Variants in PDE10A observed in about 807,000 individuals in gnomAD.
PDE10A encodes cAMP and cAMP-inhibited cGMP 3',5'-cyclic phosphodiesterase 10A.
In PDE10A, 39 loss-of-function variants were observed where a neutral mutation model predicts 97.7. That is an observed-to-expected ratio of 0.40 (90% CI 0.31 to 0.52). PDE10A has a LOEUF of 0.52. Ranked by LOEUF, PDE10A falls within the 20% of genes least tolerant of loss-of-function variation. The pLI, the probability that PDE10A is intolerant of heterozygous loss-of-function variation, is 0.56. For synonymous variants in PDE10A, 371 were observed against 376.8 expected (o/e 0.98, Z 0.18); for missense variants, 731 against 1,047.8 (o/e 0.70, Z 4.17).
Position 165,792,944 on chromosome 6 carries a change from C to T in PDE10A, c.-615+194585G>A, listed in dbSNP as rs950473551. Among the ~76,000 whole-genome samples, 7 of 152,220 alleles carry T rather than the reference C, an allele frequency of 4.6e-5. No individual in the cohort carries two copies. The South Asian group carries it at 8.3e-4, about 18-fold the overall frequency. The stretch of plus-strand genomic sequence containing the variant: ...CTTTCCTGTCTGGTGGGGTCAAGGC[C>T]GGCAGGCACAGTGGTGCTGGGGTGG... On this transcript the variant is annotated intron_variant, in intron 1 of 19. Transcript: ENST00000366882.
intron 1 of PDE10A, among the ~76,000 whole-genome samples, chr6:165,554,725 C>G (rs904507476): frequency 6.6e-6 from 1 of 152,104 alleles, no homozygotes; most frequent in Non-Finnish European, 1.5e-5. Context: ...CTGTTTGTTG[C>G]AGCATTGTTT....
intron 1 of PDE10A, among the ~76,000 whole-genome samples, chr6:165,950,855 A>C (rs1783933087): frequency 6.6e-6 from 1 of 152,186 alleles, no homozygotes; most frequent in Admixed American, 6.5e-5. Context: ...GTCACGTGAA[A>C]AATTAATAAA....
At chr6:165,406,718 T>C (rs74561968) in intron 13 of PDE10A, among the ~76,000 whole-genome samples, 2,326 of 152,230 alleles carry the variant, frequency 0.015, 69 homozygotes, top group African/African-American at 0.052. Context: ...AGACTGGTAC[T>C]GGAATCAGTG....
chr6:165,884,540 C>G (rs1327206864), intron 1 of PDE10A, among the ~76,000 whole-genome samples: 2 of 152,192 alleles, frequency 1.3e-5, no homozygotes, highest in African/African-American at 4.8e-5. Flanking sequence ...CCACACCTGT[C>G]TCCCCCCTGA....
At chr6:165,445,552 A>G (rs1467445777) in intron 5 of PDE10A, among the ~76,000 whole-genome samples, 2 of 152,202 alleles carry the variant, frequency 1.3e-5, no homozygotes, top group Non-Finnish European at 2.9e-5. Flanking sequence ...CAGGCCAAAC[A>G]TTCATCTTGG....
chr6:165,921,105 TC>T (rs1221241078), intron 1 of PDE10A, among the ~76,000 whole-genome samples: 1 of 152,196 alleles, frequency 6.6e-6, no homozygotes, highest in African/African-American at 2.4e-5. Flanking sequence ...GACTTTCAGA[TC>T]TATGTACCAA....
At chr6:165,845,086 A>T (rs768621195) in intron 1 of PDE10A, among the ~76,000 whole-genome samples, 1 of 152,212 alleles carries the variant, frequency 6.6e-6, no homozygotes, top group Non-Finnish European at 1.5e-5. Flanking sequence ...TGCTGATTTA[A>T]AGCGTTCTTA....
intron 1 of PDE10A, among the ~76,000 whole-genome samples, chr6:165,875,347 T>C (rs1274945492): frequency 1.3e-5 from 2 of 152,216 alleles, no homozygotes; most frequent in Admixed American, 1.3e-4. Flanking sequence ...ACCTTGGTCA[T>C]ACTTGGTCAT....
At chr6:165,838,918 G>A (rs565718871) in intron 1 of PDE10A, among the ~76,000 whole-genome samples, 3 of 152,160 alleles carry the variant, frequency 2.0e-5, no homozygotes, top group African/African-American at 4.8e-5. Context: ...TTTCCAGGAC[G>A]TTCCATGATA....
chr6:165,958,601 G>GAAAGAAAGAAAGAGAGAAAGAA (rs1562327450), intron 1 of PDE10A, among the ~76,000 whole-genome samples: 1 of 34,558 alleles, frequency 2.9e-5, no homozygotes, highest in Non-Finnish European at 9.0e-5. Context: ...GAGAAAGAAA[G>GAAAGAAAGAAAGAGAGAAAGAA]AGAGAAAGGA....
chr6:165,888,093 T>C (rs1446316159), intron 1 of PDE10A, among the ~76,000 whole-genome samples: 1 of 152,146 alleles, frequency 6.6e-6, no homozygotes, highest in Non-Finnish European at 1.5e-5. Context: ...TGAGACCAGT[T>C]ATTTATATGG....
chr6:165,958,287 T>A (rs1010224447), intron 1 of PDE10A, among the ~76,000 whole-genome samples: 2 of 151,568 alleles, frequency 1.3e-5, no homozygotes, highest in African/African-American at 4.9e-5. Context: ...AGGAGCAAAA[T>A]ACAAAATGAC....
chr6:165,974,058 T>G (rs887511078), intron 1 of PDE10A, among the ~76,000 whole-genome samples: 1 of 152,194 alleles, frequency 6.6e-6, no homozygotes, highest in Non-Finnish European at 1.5e-5. Flanking sequence ...ACATATCAAT[T>G]ACAAGTTTGA....
intron 1 of PDE10A, among the ~76,000 whole-genome samples, chr6:165,585,898 C>G (rs927929133): frequency 2.0e-5 from 3 of 152,152 alleles, no homozygotes; most frequent in Admixed American, 6.6e-5. Context: ...AACATCCCCC[C>G]CTTGCGCTAA....
At chr6:165,749,546 A>T (rs1792948980) in intron 1 of PDE10A, among the ~76,000 whole-genome samples, 1 of 145,148 alleles carries the variant, frequency 6.9e-6, no homozygotes, top group Non-Finnish European at 1.5e-5. Context: ...TCTACAATAA[A>T]GTTAGTAATG....
chr6:165,358,210 T>C (rs1330938478), intron 18 of PDE10A, among the ~76,000 whole-genome samples: 1 of 152,144 alleles, frequency 6.6e-6, no homozygotes, highest in East Asian at 1.9e-4. Context: ...TATTGACAAA[T>C]TAGGTCACAA....
chr6:165,430,180 T>A, intron 9 of PDE10A, 107 bp downstream of exon 9: 1 of 721,390 alleles, frequency 1.4e-6, no homozygotes, highest in Non-Finnish European at 2.4e-6. Context: ...TAAAGACGGA[T>A]CTTCAGTTAT....
At chr6:165,975,033 A>T (rs981325700) in intron 1 of PDE10A, among the ~76,000 whole-genome samples, 1 of 152,192 alleles carries the variant, frequency 6.6e-6, no homozygotes, top group Non-Finnish European at 1.5e-5. Context: ...ACTTCATCTC[A>T]TTGTCTGGGA....
intron 18 of PDE10A, among the ~76,000 whole-genome samples, chr6:165,349,023 A>G (rs1782507847): frequency 6.6e-6 from 1 of 152,222 alleles, no homozygotes; most frequent in South Asian, 2.1e-4. Flanking sequence ...TCTTCATAGC[A>G]GCATGAGAAT....
Sources: allele counts gnomAD v4.1 joint callset (sites outside exome capture counted in the v4.1 genomes callset), GRCh38; gene constraint gnomAD v4.1.1; transcripts MANE v1.5; gene names NCBI Gene and HGNC (gene_info 2026-07-23, HGNC 2026-07-21).